The following CXCL13 variants were observed in gnomAD, a reference collection of about 807,000 sequenced individuals.
The protein encoded by CXCL13 is C-X-C motif chemokine ligand 13.
In CXCL13, 7 loss-of-function variants were observed where a neutral mutation model predicts 12.2. The observed-to-expected ratio is 0.57, with a 90% CI of 0.33 to 1.07. The LOEUF (loss-of-function observed/expected upper bound fraction) is 1.07. Ranked by LOEUF, CXCL13 falls within the 50% of genes least tolerant of loss-of-function variation. The probability of loss-of-function intolerance (pLI) is 0.04; values close to 1 mark genes in which losing one functional copy is unlikely to be tolerated. For missense variants in CXCL13, 113 were observed against 127.4 expected, an observed-to-expected ratio of 0.89 and a Z score of 0.55; for synonymous variants, 47 against 42.4, an observed-to-expected ratio of 1.11 and a Z score of -0.42.
rs376338194 is a variant in CXCL13 at position 77,559,590 on chromosome 4, C to CGTGTGTGTGTGTGTGTGTGTGTGT, written c.-42-46213_-42-46212insTGTGTGTGTGTGTGTGTGTGTGTG. The stretch of plus-strand genomic sequence containing the variant: ...TCTTCCATTCAAGGACTAAATATGC[C>CGTGTGTGTGTGTGTGTGTGTGTGT]GTGTGTGTGTGTGTGTGTGTGATTG... On this transcript the variant is annotated intron_variant, in intron 1 of 4. Coordinates refer to the CXCL13 transcript ENST00000286758. Among the ~76,000 whole-genome samples the CGTGTGTGTGTGTGTGTGTGTGTGT allele has an allele frequency of 9.4e-5, 14 of 148,732 alleles. No individual in the cohort carries two copies. In the East Asian group the frequency reaches 2.2e-3, roughly 23 times the overall value.
intron 2 of CXCL13, among the ~76,000 whole-genome samples, chr4:77,609,787 A>T (rs560432358): frequency 1.3e-3 from 204 of 152,348 alleles, no homozygotes; most frequent in African/African-American, 4.6e-3. Context: ...GGTCATGCTC[A>T]TGAAAAACAG....
chr4:77,538,736 G>A (rs1286388579), intron 1 of CXCL13, among the ~76,000 whole-genome samples: 1 of 152,128 alleles, frequency 6.6e-6, no homozygotes, highest in Non-Finnish European at 1.5e-5. Context: ...TGGGGGAGGG[G>A]ATAATCAGGT....
intron 1 of CXCL13, among the ~76,000 whole-genome samples, chr4:77,578,027 C>T (rs1726235099): frequency 6.6e-6 from 1 of 152,142 alleles, no homozygotes; most frequent in African/African-American, 2.4e-5. Flanking sequence ...TTTCCCAAAC[C>T]TTAAACTGGT....
chr4:77,592,669 C>G (rs1472220731), intron 1 of CXCL13, among the ~76,000 whole-genome samples: 1 of 152,122 alleles, frequency 6.6e-6, no homozygotes, highest in Non-Finnish European at 1.5e-5. Flanking sequence ...CCTGGCAAGG[C>G]TGAAGGACTG....
chr4:77,514,125 G>A (rs1396053055), intron 1 of CXCL13, among the ~76,000 whole-genome samples: 1 of 151,804 alleles, frequency 6.6e-6, no homozygotes, highest in Non-Finnish European at 1.5e-5. Flanking sequence ...TCCCTACAAA[G>A]GACATGAACT....
At chr4:77,522,131 T>C (rs907915900) in intron 1 of CXCL13, among the ~76,000 whole-genome samples, 37 of 152,204 alleles carry the variant, frequency 2.4e-4, no homozygotes, top group African/African-American at 8.4e-4. Context: ...TACTTCCAAC[T>C]ATGTGGTCAA....
intron 1 of CXCL13, among the ~76,000 whole-genome samples, chr4:77,548,014 A>G (rs1219450017): frequency 1.3e-5 from 2 of 152,148 alleles, no homozygotes; most frequent in Non-Finnish European, 2.9e-5. Flanking sequence ...CTGGATATGA[A>G]ATTCTGGGTT....
At position 77,571,151 on chromosome 4, in the gene CXCL13, T is replaced by A. The variant is rs1020135707; in HGVS notation, c.-42-34673T>A. On this transcript the variant is annotated intron_variant, in intron 1 of 4. Coordinates refer to the CXCL13 transcript ENST00000286758. ...CTGAGTCTGGTGGGGATGCGGAGAG[T>A]CTTTATATCTAGCTCAGGGATTGTA... Among the ~76,000 whole-genome samples, 11 of 151,612 alleles carry A rather than the reference T, an allele frequency of 7.3e-5. 1 individual carries two copies. The highest frequency in any genetic ancestry group is 1.7e-4 in the African/African-American group (7 of 41,082).
chr4:77,541,155 A>G (rs1711045997), intron 1 of CXCL13, among the ~76,000 whole-genome samples: 1 of 151,760 alleles, frequency 6.6e-6, no homozygotes, highest in South Asian at 2.1e-4. Context: ...TGTATATTAG[A>G]CCTTTGTTGG....
At position 77,607,728 on chromosome 4, in the gene CXCL13, C is replaced by T. The variant is rs763287084; in HGVS notation, c.90C>T (p.Ser30=). 14 of 1,613,634 alleles carry T rather than the reference C, an allele frequency of 8.7e-6. No individual in the cohort carries two copies. Among genetic ancestry groups the T allele is most frequent in the Non-Finnish European group, 1.2e-5 (14 of 1,179,714 alleles). Reference sequence around the variant, plus strand: ...GTGTTCTGGAGGTCTATTACACAAGCTTGAGGTGTAGATGTGTCCAAGAGA... The same window carrying T: ...GTGTTCTGGAGGTCTATTACACAAGTTTGAGGTGTAGATGTGTCCAAGAGA... The part of the protein sequence containing the change: ...VQGVLEVYYT[S]LRCRCVQESS... The change falls in exon 2 of 4, where the codon AGC becomes AGT. Residue 30 remains serine, a synonymous_variant. Transcript: ENST00000682537.
At position 77,532,261 on chromosome 4, in the gene CXCL13, G is replaced by A. The variant is rs185678909; in HGVS notation, c.-43+20473G>A. On this transcript the variant is annotated intron_variant, in intron 1 of 4. Coordinates refer to the CXCL13 transcript ENST00000286758. Reference sequence around the variant, plus strand: ...GGCCTGGTGGTGACAAAATCTCTCAGCATTTGCTTGTCTGTAAAGTATTTT... The same window carrying A: ...GGCCTGGTGGTGACAAAATCTCTCAACATTTGCTTGTCTGTAAAGTATTTT... 4.4e-3 allele frequency among the ~76,000 whole-genome samples: 666 copies of A among 152,212 alleles called. 17 individuals are homozygous for A. The highest frequency in any genetic ancestry group is 0.026 in the East Asian group (135 of 5,184).
chr4:77,552,992 T>C (rs2109808058), intron 1 of CXCL13, among the ~76,000 whole-genome samples: 1 of 152,282 alleles, frequency 6.6e-6, no homozygotes, highest in South Asian at 2.1e-4. Context: ...GTGCGGCTGC[T>C]CAGGCTGCTG....
At chr4:77,559,310 A>G in intron 1 of CXCL13, among the ~76,000 whole-genome samples, 1 of 152,204 alleles carries the variant, frequency 6.6e-6, no homozygotes, top group Non-Finnish European at 1.5e-5. Context: ...TTGAGATATG[A>G]TGCAGACTAA....
intron 1 of CXCL13, among the ~76,000 whole-genome samples, chr4:77,548,351 T>C (rs1725426976): frequency 6.6e-6 from 1 of 152,242 alleles, no homozygotes; most frequent in Non-Finnish European, 1.5e-5. Context: ...ACATTTGAGT[T>C]GCACTCATAC....
chr4:77,534,940 G>A (rs1725023588), intron 1 of CXCL13, among the ~76,000 whole-genome samples: 1 of 152,268 alleles, frequency 6.6e-6, no homozygotes, highest in South Asian at 2.1e-4. Flanking sequence ...CTACCTTTCT[G>A]GCATTACAAC....
At chr4:77,529,595 A>G (rs1724853448) in intron 1 of CXCL13, among the ~76,000 whole-genome samples, 2 of 152,140 alleles carry the variant, frequency 1.3e-5, no homozygotes, top group South Asian at 2.1e-4. Flanking sequence ...TTGGTGTATA[A>G]GAATGCTTGT....
upstream of CXCL13, among the ~76,000 whole-genome samples, chr4:77,603,201 T>A (rs1241321091): frequency 6.6e-6 from 1 of 152,186 alleles, no homozygotes; most frequent in Admixed American, 6.5e-5. Flanking sequence ...TACTTAGAGG[T>A]AAATGTAAAA....
chr4:77,580,861 C>A (rs913976568), intron 1 of CXCL13, among the ~76,000 whole-genome samples: 2 of 148,744 alleles, frequency 1.3e-5, no homozygotes, highest in East Asian at 4.0e-4. Context: ...CTTTTCCTCT[C>A]CTCTTCTCCT....
intron 1 of CXCL13, among the ~76,000 whole-genome samples, chr4:77,549,101 G>A (rs1382032456): frequency 6.6e-6 from 1 of 152,002 alleles, no homozygotes; most frequent in South Asian, 2.1e-4. Flanking sequence ...TTCAATCACT[G>A]ATATCCTTTC....
Sources: gnomAD v4.1 joint callset for allele counts (sites outside exome capture counted in the v4.1 genomes callset) on GRCh38, gnomAD v4.1.1 for gene constraint, MANE v1.5 for transcripts, NCBI Gene and HGNC (gene_info 2026-07-23, HGNC 2026-07-21) for gene names.